The following GCNT2 variants were observed in gnomAD, a reference collection of about 807,000 sequenced individuals.
The protein encoded by GCNT2 is glucosaminyl (N-acetyl) transferase 2 (I blood group).
In GCNT2, 34 loss-of-function variants were observed where a neutral mutation model predicts 34.2. The observed-to-expected ratio is 1.00, with a 90% CI of 0.76 to 1.32. The LOEUF (loss-of-function observed/expected upper bound fraction) is 1.32, where lower values mean the gene tolerates loss of function less well. GCNT2 is among the 40% of genes most tolerant of loss of function. GCNT2 has a pLI of 0.00. For synonymous variants in GCNT2, 212 were observed against 188.0 expected (o/e 1.13, Z -1.04); for missense variants, 584 against 489.4 (o/e 1.19, Z -1.82).
intron 3 of GCNT2, among the ~76,000 whole-genome samples, chr6:10,594,732 C>A (rs1046849051): frequency 6.6e-6 from 1 of 152,162 alleles, no homozygotes; most frequent in Admixed American, 6.5e-5. Context: ...TTAAATCTCA[C>A]TATAGAAGGA....
intron 3 of GCNT2, among the ~76,000 whole-genome samples, chr6:10,602,016 T>C (rs1358565351): frequency 6.6e-6 from 1 of 151,534 alleles, no homozygotes; most frequent in Admixed American, 6.6e-5. Flanking sequence ...AAACTGCCAC[T>C]GCAGTCCCTA....
intron 3 of GCNT2, among the ~76,000 whole-genome samples, chr6:10,594,852 C>CTTTTTTTTTT (rs34521720): frequency 6.8e-6 from 1 of 148,096 alleles, no homozygotes; most frequent in Non-Finnish European, 1.5e-5. Context: ...ATACCAGTTC[C>CTTTTTTTTTT]TTTTTTTTTT....
intron 3 of GCNT2, among the ~76,000 whole-genome samples, chr6:10,570,807 G>A (rs906579416): frequency 6.6e-6 from 1 of 152,148 alleles, no homozygotes; most frequent in Non-Finnish European, 1.5e-5. Context: ...ATGTCCTAGA[G>A]AGGCTGAACT....
At chr6:10,610,854 G>A (rs182952950) in intron 3 of GCNT2, among the ~76,000 whole-genome samples, 18 of 152,266 alleles carry the variant, frequency 1.2e-4, no homozygotes, top group Admixed American at 4.6e-4. Context: ...GCTTGGTAAC[G>A]AGGGGGAGGC....
intron 3 of GCNT2, among the ~76,000 whole-genome samples, chr6:10,538,408 CAAAAAAAAAAA>C (rs70991023): frequency 1.5e-4 from 6 of 40,186 alleles, no homozygotes; most frequent in South Asian, 1.3e-3. Context: ...GACTCCGTCT[CAAAAAAAAAAA>C]AAAAAAAAAA....
At chr6:10,615,323 T>C (rs1160477621) in intron 3 of GCNT2, among the ~76,000 whole-genome samples, 1 of 152,124 alleles carries the variant, frequency 6.6e-6, no homozygotes, top group Non-Finnish European at 1.5e-5. Flanking sequence ...TGGGTCTCAA[T>C]TTCTTTTTTG....
At chr6:10,536,048 T>C (rs1761736294) in intron 3 of GCNT2, among the ~76,000 whole-genome samples, 2 of 151,826 alleles carry the variant, frequency 1.3e-5, no homozygotes, top group Admixed American at 1.3e-4. Flanking sequence ...AGTTCCTCTA[T>C]ATGTAAAAAT....
At position 10,588,774 on chromosome 6, in the gene GCNT2, G is replaced by A. The variant is rs1024758280; in HGVS notation, c.926-32577G>A. ...GTGGTGTGTGTGTGGTGTGTTTGTA[G>A]TGTGTGTGTGATGTGTGTGTGTGTG... On this transcript the variant is annotated intron_variant, in intron 3 of 4. Transcript: ENST00000495262. Among the ~76,000 whole-genome samples, 4 of 126,326 alleles carry A rather than the reference G, an allele frequency of 3.2e-5. 1 individual carries two copies. The highest frequency in any genetic ancestry group is 1.8e-4 in the Admixed American group (2 of 11,284). 82.9% of individuals were successfully genotyped at this position (126,326 alleles called of 152,430 possible).
intron 3 of GCNT2, chr6:10,574,665 T>C (rs1763712626): frequency 3.2e-6 from 1 of 317,450 alleles, no homozygotes; most frequent in Admixed American, 4.1e-5. Flanking sequence ...CCTATTTTGG[T>C]ACTGCCCTTG....
chr6:10,597,128 G>T (rs932564350), intron 3 of GCNT2, among the ~76,000 whole-genome samples: 1 of 145,666 alleles, frequency 6.9e-6, no homozygotes. Flanking sequence ...AGGTGTTTGA[G>T]AATTTATTAG....
At chr6:10,557,043 G>T in intron 3 of GCNT2, 2 of 1,612,380 alleles carry the variant, frequency 1.2e-6, no homozygotes, top group South Asian at 1.1e-5. Context: ...TATCTGAAAG[G>T]ATTTAAAGGT....
chr6:10,546,076 G>C (rs750252199), intron 3 of GCNT2, among the ~76,000 whole-genome samples: 1 of 152,084 alleles, frequency 6.6e-6, no homozygotes, highest in Non-Finnish European at 1.5e-5. Flanking sequence ...TGTTCTTTAT[G>C]CCTCACTGCT....
intron 3 of GCNT2, among the ~76,000 whole-genome samples, chr6:10,558,580 C>G (rs1456574115): frequency 2.6e-5 from 4 of 152,166 alleles, no homozygotes; most frequent in African/African-American, 9.7e-5. Flanking sequence ...GTGCTTTGGA[C>G]TCAATGAAAA....
chr6:10,555,715 C>CTACT (rs1429000370), intron 3 of GCNT2: 1 of 985,148 alleles, frequency 1.0e-6, no homozygotes, highest in Non-Finnish European at 1.2e-6. Flanking sequence ...ACTCCTCCTC[C>CTACT]AGTAAGCTCT....
chr6:10,523,249 C>T (rs1761007183), intron 1 of GCNT2, among the ~76,000 whole-genome samples: 1 of 151,888 alleles, frequency 6.6e-6, no homozygotes, highest in African/African-American at 2.4e-5. Context: ...GGTGAAACCC[C>T]ATCTCTACTA....
intron 3 of GCNT2, chr6:10,586,536 C>A: frequency 6.2e-7 from 1 of 1,614,136 alleles, no homozygotes; most frequent in Non-Finnish European, 8.5e-7. Context: ...CTCTGAGGTT[C>A]CCTGGAAGTA....
intron 3 of GCNT2, chr6:10,556,326 G>C (rs1561796148): frequency 1.9e-6 from 3 of 1,589,694 alleles, no homozygotes; most frequent in East Asian, 2.2e-5. Flanking sequence ...GGAGTGAGTG[G>C]AGTATGTTGC....
At chr6:10,584,233 ATAAGTT>A (rs1270213157) in intron 3 of GCNT2, among the ~76,000 whole-genome samples, 1 of 152,202 alleles carries the variant, frequency 6.6e-6, no homozygotes, top group East Asian at 1.9e-4. Flanking sequence ...TGTGTCATAA[ATAAGTT>A]TAAGGAAAAG....
At chr6:10,570,174 A>G (rs886524744) in intron 3 of GCNT2, among the ~76,000 whole-genome samples, 4 of 152,150 alleles carry the variant, frequency 2.6e-5, no homozygotes, top group Non-Finnish European at 5.9e-5. Context: ...GACTCAAGTG[A>G]TTCACCTGTC....
Sources: allele counts gnomAD v4.1 joint callset (sites outside exome capture counted in the v4.1 genomes callset), GRCh38; gene constraint gnomAD v4.1.1; transcripts MANE v1.5; gene names NCBI Gene and HGNC (gene_info 2026-07-23, HGNC 2026-07-21).